Variants in CACNG8 observed in about 807,000 individuals in gnomAD.
The protein encoded by CACNG8 is voltage-dependent calcium channel gamma-8 subunit.
CACNG8 carries 5 observed loss-of-function variants against 26.9 expected under a neutral mutation model. The observed-to-expected ratio is 0.19, with a 90% confidence interval of 0.10 to 0.39. CACNG8 has a LOEUF of 0.39. CACNG8 is among the 10% of genes least tolerant of loss of function. The probability of loss-of-function intolerance (pLI) is 1.00; values close to 1 mark genes in which losing one functional copy is unlikely to be tolerated. For synonymous variants in CACNG8, 321 were observed against 296.7 expected (o/e 1.08, Z -0.84); for missense variants, 473 against 609.4 (o/e 0.78, Z 2.36).
rs765605214 is a variant in CACNG8, at chr19:53,978,178, C to A, written c.316C>A (p.His106Asn). 2 of 1,601,940 alleles carry A rather than the reference C, an allele frequency of 1.2e-6. No homozygotes were observed. Among genetic ancestry groups the A allele is most frequent in the East Asian group, 4.5e-5 (2 of 44,250 alleles). ...AAGAGGCGTCTGCGTGAAGATCAAT[C>A]ATTTCCCGGAGGACACGGACTACGA... Residue 106 changes from histidine (H) to asparagine (N), a missense_variant, in exon 2 of 4, where the codon CAT becomes AAT. His to Asn is a moderately conservative substitution (Grantham distance 68, BLOSUM62 1). Transcript: ENST00000270458.
At chr19:53,966,941 G>A (rs2069275221) in intron 1 of CACNG8, among the ~76,000 whole-genome samples, 1 of 152,188 alleles carries the variant, frequency 6.6e-6, no homozygotes, top group Non-Finnish European at 1.5e-5. Flanking sequence ...GTGGGCAGGA[G>A]TTGCTGATGG....
chr19:53,984,285 C>T lies in CACNG8; in HGVS notation c.*1436C>T, dbSNP rs1160940387. On this transcript the variant is annotated 3_prime_UTR_variant, in exon 4 of 4. Transcript: ENST00000270458. ...TCCCCAGGGGTGAAACAGACTCTAG[C>T]CCTGCTCTCAAGCAGTTTATTGTCA... is the stretch of plus-strand genomic sequence containing the variant. The T allele has an allele frequency of 1.3e-5, 2 of 152,210 alleles. No homozygotes were observed. Among genetic ancestry groups the T allele is most frequent in the Non-Finnish European group, 2.9e-5 (2 of 68,066 alleles). The allele number at this position is 152,210 out of a possible 1,614,324, so 9.4% of individuals were successfully genotyped here. A position where few individuals can be genotyped will look rare whatever the true frequency, so the allele number is the denominator to read the frequency against.
chr19:53,981,981 C>T (rs1217381283), intron 3 of CACNG8, 99 bp from the exon 4 acceptor site: 73 of 1,306,130 alleles, frequency 5.6e-5, no homozygotes, highest in East Asian at 6.1e-5. Flanking sequence ...CTGGGGGTGG[C>T]GCCTGGGCCC....
At position 53,986,070 on chromosome 19, in the gene CACNG8, G is replaced by C. The variant is rs560901496; in HGVS notation, c.*3221G>C. 1 of 152,492 alleles carries C rather than the reference G, an allele frequency of 6.6e-6. No individual in the cohort carries two copies. Among genetic ancestry groups the C allele is most frequent in the African/African-American group, 2.4e-5 (1 of 41,400 alleles). 9.4% of individuals were successfully genotyped at this position (152,492 alleles called of 1,614,324 possible). On this transcript the variant is annotated 3_prime_UTR_variant, in exon 4 of 4. Transcript: ENST00000270458. ...CAGACAGAGAAAAAGTCAAAGACAG[G>C]AAGGTGATACAGAGGAGAGAGAAGA...
At chr19:53,967,712 G>A (rs1370976258) in intron 1 of CACNG8, among the ~76,000 whole-genome samples, 1 of 152,128 alleles carries the variant, frequency 6.6e-6, no homozygotes, top group Non-Finnish European at 1.5e-5. Flanking sequence ...GCACGCGCCT[G>A]TAGTCCCAGC....
intron 1 of CACNG8, among the ~76,000 whole-genome samples, chr19:53,971,019 C>T (rs1002101722): frequency 6.6e-5 from 10 of 151,110 alleles, no homozygotes; most frequent in Admixed American, 2.0e-4. Context: ...AGGCTGGGCA[C>T]GGTGGCTCAC....
At chr19:53,969,480 A>C (rs1313975451) in intron 1 of CACNG8, among the ~76,000 whole-genome samples, 1 of 151,104 alleles carries the variant, frequency 6.6e-6, no homozygotes, top group Non-Finnish European at 1.5e-5. Context: ...CCTGGTCTAG[A>C]ACTCCTGGGC....
chr19:53,976,919 C>T (rs926538024), intron 1 of CACNG8, among the ~76,000 whole-genome samples: 11 of 152,314 alleles, frequency 7.2e-5, no homozygotes, highest in South Asian at 2.1e-4. Context: ...GTGATCCACC[C>T]GCCTTGGCCT....
chr19:53,982,598 G>A lies in CACNG8; in HGVS notation c.1027G>A (p.Ala343Thr). 13 of 974,076 alleles carry A rather than the reference G, an allele frequency of 1.3e-5. No homozygotes were observed. Among genetic ancestry groups the A allele is most frequent in the Non-Finnish European group, 1.6e-5 (13 of 822,614 alleles). The allele number at this position is 974,076 out of a possible 1,614,324, so 60.3% of individuals were successfully genotyped here. A position where few individuals can be genotyped will look rare whatever the true frequency, so the allele number is the denominator to read the frequency against. ...GGCGTTCGGCGGCGCGGCCGGGGGC[G>A]CCGGGGGCGGCGGCGGAGGCGGCGG... is the stretch of plus-strand genomic sequence containing the variant. The change falls in exon 4 of 4, where the codon GCC (alanine) becomes ACC (threonine). Residue 343 changes from alanine (A) to threonine (T), a missense_variant. Transcript: ENST00000270458. The surrounding 1 kb of genome is among the most constrained non-coding windows in gnomAD (Gnocchi z 8.4).
intron 3 of CACNG8, among the ~76,000 whole-genome samples, chr19:53,980,957 A>G (rs531209841): frequency 6.6e-6 from 1 of 152,128 alleles, no homozygotes; most frequent in South Asian, 2.1e-4. Context: ...TGGGGCTTGG[A>G]GGATCTGAAA....
chr19:53,963,347 G>A lies in CACNG8; in HGVS notation c.205G>A (p.Gly69Arg). The A allele has an allele frequency of 6.3e-7, 1 of 1,593,918 alleles. No individual in the cohort carries two copies. The highest frequency in any genetic ancestry group is 8.5e-7 in the Non-Finnish European group (1 of 1,175,304). Residue 69 changes from glycine (G) to arginine (R), a missense_variant, in exon 1 of 4, where the codon GGG (glycine) becomes AGG (arginine). By Grantham distance (125) the Gly-to-Arg change is moderately radical. This residue lies in a region of CACNG8 where 69 missense variants were observed against 66.7 expected (regional missense o/e 1.03). Transcript: ENST00000270458. ...CGGCGACGACGGGACCCCCCACCGC[G>A]GGGGCGGCGGCGCCTCGGAGAAGAA...
chr19:53,982,550 G>A lies in CACNG8; in HGVS notation c.979G>A (p.Gly327Ser). The A allele has an allele frequency of 1.7e-6, 2 of 1,179,564 alleles. 1 individual carries two copies. The highest frequency in any genetic ancestry group is 7.8e-5 in the South Asian group (2 of 25,614). The allele number at this position is 1,179,564 out of a possible 1,614,324, so 73.1% of individuals were successfully genotyped here. Residue 327 changes from glycine to serine, a missense_variant, in exon 4 of 4, where the codon GGC becomes AGC. Physicochemically the swap from Gly to Ser is moderately conservative, Grantham distance 56 (BLOSUM62 0). Transcript: ENST00000270458. This position sits in a 1 kb window ranked among gnomAD's most constrained non-coding sequence, Gnocchi z 8.4. ...GGCCGCGGGGCTGGCGGGGGCCGGC[G>A]GCGGCGGCGGCGGCGCCGTGGGGGC...
At chr19:53,970,155 A>G (rs948156181) in intron 1 of CACNG8, among the ~76,000 whole-genome samples, 10 of 152,216 alleles carry the variant, frequency 6.6e-5, no homozygotes, top group Non-Finnish European at 1.3e-4. Flanking sequence ...TCTCTACTAA[A>G]AATACAAAAA....
At chr19:53,980,825 G>C (rs2069362304) in intron 3 of CACNG8, among the ~76,000 whole-genome samples, 2 of 152,322 alleles carry the variant, frequency 1.3e-5, no homozygotes, top group East Asian at 1.9e-4. Flanking sequence ...CCCCGTATGA[G>C]TAGCATTGGG....
In CACNG8 at chr19:53,987,325, C is replaced by G. The variant is rs955557483; in HGVS notation, c.*4476C>G. 3 of 152,262 alleles carry G rather than the reference C, an allele frequency of 2.0e-5. No individual in the cohort carries two copies. Among genetic ancestry groups the G allele is most frequent in the Non-Finnish European group, 2.9e-5 (2 of 68,068 alleles). 9.4% of individuals were successfully genotyped at this position (152,262 alleles called of 1,614,324 possible). A position where few individuals can be genotyped will look rare whatever the true frequency, so the allele number is the denominator to read the frequency against. On this transcript the variant is annotated 3_prime_UTR_variant, in exon 4 of 4. Transcript: ENST00000270458. ...CTTCAAATGATCCACCTGCCTCGGC[C>G]TCCCAAAATGCTGGGATTACAGGAG...
At chr19:53,969,965 C>T (rs909881851) in intron 1 of CACNG8, among the ~76,000 whole-genome samples, 2 of 151,184 alleles carry the variant, frequency 1.3e-5, no homozygotes, top group Non-Finnish European at 2.9e-5. Flanking sequence ...AACCCTGTCT[C>T]TACTAAATAT....
chr19:53,984,704 G>C lies in CACNG8; in HGVS notation c.*1855G>C, dbSNP rs2362381. The C allele has an allele frequency of 6.6e-6, 1 of 151,924 alleles. No individual in the cohort carries two copies. The highest frequency in any genetic ancestry group is 1.5e-5 in the Non-Finnish European group (1 of 68,144). The allele number at this position is 151,924 out of a possible 1,614,324, so 9.4% of individuals were successfully genotyped here. Reference sequence around the variant, plus strand: ...GGTGGCTCATGCCTGTAATCCCAGCGCTTTGGGAGGCTGAGGCTGGAGTAT... The same window carrying C: ...GGTGGCTCATGCCTGTAATCCCAGCCCTTTGGGAGGCTGAGGCTGGAGTAT... On this transcript the variant is annotated 3_prime_UTR_variant, in exon 4 of 4. Coordinates refer to ENST00000270458, the MANE Select transcript of CACNG8 (RefSeq NM_031895.6).
intron 1 of CACNG8, among the ~76,000 whole-genome samples, chr19:53,967,553 C>T (rs1224679797): frequency 6.6e-6 from 1 of 152,140 alleles, no homozygotes; most frequent in African/African-American, 2.4e-5. Flanking sequence ...ATCTGAATTT[C>T]ACTGGGCGCA....
At chr19:53,963,809 T>C (rs1425404442) in intron 1 of CACNG8, among the ~76,000 whole-genome samples, 1 of 147,056 alleles carries the variant, frequency 6.8e-6, no homozygotes, top group African/African-American at 2.5e-5. Context: ...TTTCTCTTTT[T>C]TTTTTTTTTT....
Sources: allele counts gnomAD v4.1 joint callset (sites outside exome capture counted in the v4.1 genomes callset), GRCh38; gene constraint gnomAD v4.1.1; regional missense constraint gnomAD v4.1.1; non-coding constraint Gnocchi (gnomAD v3.1); transcripts MANE v1.5; gene names NCBI Gene and HGNC (gene_info 2026-07-23, HGNC 2026-07-21).